Variants in SLC30A2 observed in about 807,000 individuals in gnomAD.
SLC30A2 encodes solute carrier family 30 member 2.
Under a neutral mutation model 39.6 loss-of-function variants are expected in SLC30A2, and 19 were observed. That is an observed-to-expected ratio of 0.48 (90% CI 0.34 to 0.70). SLC30A2 has a LOEUF of 0.70. SLC30A2 is among the 30% of genes least tolerant of loss of function. The pLI is 0.01. For missense variants in SLC30A2, 387 were observed against 479.4 expected, an observed-to-expected ratio of 0.81 and a Z score of 1.80; for synonymous variants, 195 against 194.8, an observed-to-expected ratio of 1.00 and a Z score of -0.01.
In SLC30A2 at chr1:26,044,428, G is replaced by C; in HGVS notation, c.288C>G (p.His96Gln). The part of the protein sequence containing the change: ...IGEVVGGYLA[H>Q]SLAVMTDAAH... ...CTGCGTCAGTCATGACAGCCAAGCT[G>C]TGTGCCAGGTACCCACCTGCAGGGT... The change falls in exon 3 of 8, where the codon CAC becomes CAG. Residue 96 changes from histidine to glutamine, a missense_variant. Physicochemically the swap from His to Gln is conservative, Grantham distance 24. Coordinates refer to ENST00000374276, the MANE Select transcript of SLC30A2 (RefSeq NM_001004434.3). 1.9e-6 allele frequency: 3 copies of C among 1,613,804 alleles called. No individual in the cohort carries two copies. The highest frequency in any genetic ancestry group is 2.5e-6 in the Non-Finnish European group (3 of 1,179,926).
At chr1:26,043,335 A>T (rs2050421183) in intron 4 of SLC30A2, 63 bp downstream of exon 4, 1 of 1,519,580 alleles carries the variant, frequency 6.6e-7, no homozygotes, top group African/African-American at 1.4e-5. Flanking sequence ...CAAAGCAGAC[A>T]TAGGTGTGGG....
intron 4 of SLC30A2, 31 bp downstream of exon 4, chr1:26,043,367 G>A: frequency 1.2e-6 from 2 of 1,603,622 alleles, no homozygotes; most frequent in Non-Finnish European, 1.7e-6. Flanking sequence ...GGAGGAGGAG[G>A]GGAGACGAGG....
intron 6 of SLC30A2, among the ~76,000 whole-genome samples, chr1:26,040,726 A>G (rs570011804): frequency 6.6e-6 from 1 of 152,090 alleles, no homozygotes; most frequent in African/African-American, 2.4e-5. Context: ...ATCCTACTCC[A>G]TTCCAGACTG....
chr1:26,040,019 C>G (rs2050379851), intron 6 of SLC30A2, 108 bp from the exon 7 acceptor site: 3 of 1,249,918 alleles, frequency 2.4e-6, no homozygotes, highest in Non-Finnish European at 3.4e-6. Context: ...TCAAAGAAGA[C>G]CTCTTTGGCC....
chr1:26,045,530 G>T, intron 1 of SLC30A2: 2 of 593,044 alleles, frequency 3.4e-6, no homozygotes, highest in South Asian at 4.0e-5. Context: ...CCCCTCCAGC[G>T]CACTTGGGAC....
chr1:26,042,549 C>T lies in SLC30A2; in HGVS notation c.732G>A (p.Lys244=). 1.9e-6 allele frequency: 3 copies of T among 1,613,052 alleles called. No individual in the cohort carries two copies. Among genetic ancestry groups the T allele is most frequent in the Non-Finnish European group, 1.7e-6 (2 of 1,179,116 alleles). The stretch of plus-strand genomic sequence containing the variant: ...CACCACCCTGTGTCCCAGCTCTGAC[C>T]TTGAAGTATAAAATATAGGCTGCCA... ...VLVAAYILYF[K]PEYKYVDPIC... The change falls in exon 5 of 8, where the codon AAG becomes AAA. Residue 244 remains lysine (K), a splice_region_variant and synonymous_variant. Coordinates refer to ENST00000374276, the MANE Select transcript of SLC30A2 (RefSeq NM_001004434.3).
rs1037120146 is a variant in SLC30A2, at chr1:26,041,243, G to A, written c.838+457C>T. ...TCCCTGAGATGTAGGAAAGGCCTGCGCTGCAGTGGATTCAGTAGCTTTGTC... is the reference window on the plus strand; with the variant it reads ...TCCCTGAGATGTAGGAAAGGCCTGCACTGCAGTGGATTCAGTAGCTTTGTC... On this transcript the variant is annotated intron_variant, in intron 6 of 7. Transcript: ENST00000374276. Among the ~76,000 whole-genome samples the A allele has an allele frequency of 5.3e-5, 8 of 152,306 alleles. No individual in the cohort carries two copies. In the East Asian group the frequency reaches 1.2e-3, roughly 22 times the overall value.
rs2050459702 is a variant in SLC30A2 at position 26,045,957 on chromosome 1, T to TG, written c.-62dup. ...GCCCCGCCGAGTGCGCCCTGAAAGT[T>TG]GCGCGCGGGACTCCGGGTGGCGCTC... is the stretch of plus-strand genomic sequence containing the variant. On this transcript the variant is annotated 5_prime_UTR_variant, in exon 1 of 8. Coordinates refer to ENST00000374276, the MANE Select transcript of SLC30A2 (RefSeq NM_001004434.3). The TG allele has an allele frequency of 6.3e-7, 1 of 1,597,284 alleles. No homozygotes were observed.
intron 3 of SLC30A2, among the ~76,000 whole-genome samples, 154 bp from the exon 4 acceptor site, chr1:26,043,705 C>T (rs1208233776): frequency 6.6e-6 from 1 of 152,186 alleles, no homozygotes. Context: ...GGTATGGCTG[C>T]CCCTTACCCC....
Position 26,044,342 on chromosome 1 carries a change from G to A in SLC30A2, c.374C>T (p.Ser125Phe). Residue 125 changes from serine to phenylalanine, a missense_variant, in exon 3 of 8, where the codon TCC (serine) becomes TTC (phenylalanine). Physicochemically the swap from Ser to Phe is radical, Grantham distance 155. Transcript: ENST00000374276. ...GTTCATGGTCTTGGTGGCTGGCCGG[G>A]AGGACATCCAGAGGGAGAAGAGGCT... is the stretch of plus-strand genomic sequence containing the variant. ...LISLFSLWMS[S>F]RPATKTMNFG... 1 of 1,614,052 alleles carries A rather than the reference G, an allele frequency of 6.2e-7. No homozygotes were observed. Among genetic ancestry groups the A allele is most frequent in the Non-Finnish European group, 8.5e-7 (1 of 1,180,022 alleles).
At chr1:26,045,366 T>A in intron 1 of SLC30A2, 149 bp from the exon 2 acceptor site, 1 of 654,726 alleles carries the variant, frequency 1.5e-6, no homozygotes, top group South Asian at 1.9e-5. Flanking sequence ...GAGAAGCCTG[T>A]ATTCAGACGG....
At position 26,038,772 on chromosome 1, in the gene SLC30A2, G is replaced by C. The variant is rs1439421643; in HGVS notation, c.*388C>G. On this transcript the variant is annotated 3_prime_UTR_variant, in exon 8 of 8. Coordinates refer to ENST00000374276, the MANE Select transcript of SLC30A2 (RefSeq NM_001004434.3). ...GGGGCTCAGATTCATAAAGGCAAAG[G>C]CCAGCCAGGCTGAGAATGGGGCATG... 5.6e-6 allele frequency: 1 copy of C among 178,466 alleles called. No individual in the cohort carries two copies. The highest frequency in any genetic ancestry group is 2.4e-5 in the African/African-American group (1 of 42,498). 11.1% of individuals were successfully genotyped at this position (178,466 alleles called of 1,614,324 possible).
At chr1:26,044,967 A>G (rs780573634) in intron 2 of SLC30A2, 30 bp downstream of exon 2, 2 of 1,588,460 alleles carry the variant, frequency 1.3e-6, no homozygotes, top group African/African-American at 2.7e-5. Flanking sequence ...CCATGCACCA[A>G]CTTCATTTAA....
At chr1:26,045,450 G>GGCCAAGGGGCGTGCTGTCCA (rs2050450558) in intron 1 of SLC30A2, 1 of 599,636 alleles carries the variant, frequency 1.7e-6, no homozygotes, top group African/African-American at 1.9e-5. Context: ...CCTGGGAACC[G>GGCCAAGGGGCGTGCTGTCCA]GCCAAGGGGC....
chr1:26,043,775 C>CTA (rs2050427172), intron 3 of SLC30A2, among the ~76,000 whole-genome samples: 1 of 152,138 alleles, frequency 6.6e-6, no homozygotes, highest in Non-Finnish European at 1.5e-5. Context: ...TCATCTGAGT[C>CTA]CACCTTTTTG....
chr1:26,046,006 C>A lies in SLC30A2; in HGVS notation c.-110G>T. The A allele has an allele frequency of 6.8e-7, 1 of 1,475,592 alleles. No homozygotes were observed. The highest frequency in any genetic ancestry group is 8.9e-7 in the Non-Finnish European group (1 of 1,122,938). 91.4% of individuals were successfully genotyped at this position (1,475,592 alleles called of 1,614,324 possible). A position where few individuals can be genotyped will look rare whatever the true frequency, so the allele number is the denominator to read the frequency against. Reference sequence around the variant, plus strand: ...TCACCCACCTGCCCCGAGGGCCCCGCGAGGTGCGCTCACTCCGGCCCGGCT... The same window carrying A: ...TCACCCACCTGCCCCGAGGGCCCCGAGAGGTGCGCTCACTCCGGCCCGGCT... On this transcript the variant is annotated 5_prime_UTR_variant, in exon 1 of 8. Coordinates refer to ENST00000374276, the MANE Select transcript of SLC30A2 (RefSeq NM_001004434.3). This position sits in a 1 kb window ranked among gnomAD's most constrained non-coding sequence, Gnocchi z 4.4.
chr1:26,045,365 G>GTAT (rs2050449585), intron 1 of SLC30A2, 148 bp from the exon 2 acceptor site: 3 of 654,828 alleles, frequency 4.6e-6, no homozygotes, highest in Non-Finnish European at 7.8e-6. Flanking sequence ...TGAGAAGCCT[G>GTAT]TATTCAGACG....
intron 5 of SLC30A2, 93 bp from the exon 6 acceptor site, chr1:26,041,898 C>A (rs1468545229): frequency 1.1e-5 from 8 of 758,754 alleles, no homozygotes; most frequent in South Asian, 1.6e-5. Context: ...GGGAGAGGTG[C>A]TCTCTCTGCT....
In SLC30A2 at chr1:26,039,184, C is replaced by G; in HGVS notation, c.1095G>C (p.Gln365His). The G allele has an allele frequency of 6.2e-7, 1 of 1,614,110 alleles. No individual in the cohort carries two copies. Among genetic ancestry groups the G allele is most frequent in the Non-Finnish European group, 8.5e-7 (1 of 1,179,936 alleles). ...GTCAGTCTGAGGGGCCCTGGCATGC[C>G]TGACAGTCCTTCATGTCCTCCGAGT... ...EDYSEDMKDC[Q>H]ACQGPSD is the part of the protein sequence containing the mutation. The change falls in exon 8 of 8, where the codon CAG (glutamine) becomes CAC (histidine). Residue 365 changes from glutamine to histidine, a missense_variant. Gln to His is a conservative substitution (Grantham distance 24, BLOSUM62 0). Coordinates refer to ENST00000374276, the MANE Select transcript of SLC30A2 (RefSeq NM_001004434.3). The surrounding 1 kb of genome is among the most constrained non-coding windows in gnomAD (Gnocchi z 4.3).
Sources: allele counts gnomAD v4.1 joint callset (sites outside exome capture counted in the v4.1 genomes callset), GRCh38; gene constraint gnomAD v4.1.1; non-coding constraint Gnocchi (gnomAD v3.1); transcripts MANE v1.5; gene names NCBI Gene and HGNC (gene_info 2026-07-23, HGNC 2026-07-21).